The following IL17RB variants were observed in gnomAD, a reference collection of about 807,000 sequenced individuals.
IL17RB encodes the protein interleukin 17 receptor B, also known as interleukin-17 receptor B.
Under a neutral mutation model 43.9 loss-of-function variants are expected in IL17RB, and 36 were observed. The observed-to-expected ratio is 0.82, with a 90% CI of 0.63 to 1.08. The LOEUF (loss-of-function observed/expected upper bound fraction) is 1.08, where lower values mean the gene tolerates loss of function less well. Ranked by LOEUF, IL17RB falls within the 50% of genes least tolerant of loss-of-function variation. The pLI, the probability that IL17RB is intolerant of heterozygous loss-of-function variation, is 0.00. For missense variants in IL17RB, 613 were observed against 613.6 expected (o/e 1.00, Z 0.01); for synonymous variants, 225 against 225.4 (o/e 1.00, Z 0.02).
In IL17RB at chr3:53,852,430, C is replaced by T. The variant is rs28385742; in HGVS notation, c.354+304C>T. Among the ~76,000 whole-genome samples the T allele has an allele frequency of 5.2e-3, 797 of 152,182 alleles. 7 individuals carry two copies. Among genetic ancestry groups the T allele is most frequent in the African/African-American group, 0.018 (761 of 41,540 alleles). ...GATTACAGGTATGAGCCACTGTATC[C>T]GGGCATAGACACTTTTATGTATTTG... On this transcript the variant is annotated intron_variant, in intron 4 of 10. Coordinates refer to ENST00000288167, the MANE Select transcript of IL17RB (RefSeq NM_018725.4).
At chr3:53,861,857 C>T (rs1699575760) in intron 10 of IL17RB, among the ~76,000 whole-genome samples, 1 of 152,158 alleles carries the variant, frequency 6.6e-6, no homozygotes, top group Admixed American at 6.5e-5. Flanking sequence ...AAAAATGCTA[C>T]AAAGGACATT....
intron 4 of IL17RB, 64 bp from the exon 5 acceptor site, chr3:53,852,807 T>C: frequency 6.6e-7 from 1 of 1,525,178 alleles, no homozygotes; most frequent in Non-Finnish European, 9.0e-7. Context: ...GGCAACACAC[T>C]AAGGTATACT....
chr3:53,859,975 A>T, intron 9 of IL17RB, 155 bp from the exon 10 acceptor site: 1 of 559,094 alleles, frequency 1.8e-6, no homozygotes, highest in East Asian at 3.0e-5. Context: ...GCGCCACTGC[A>T]CTCCAGCCTA....
chr3:53,852,204 C>T (rs1699176412), intron 4 of IL17RB, 78 bp downstream of exon 4: 8 of 1,317,332 alleles, frequency 6.1e-6, no homozygotes, highest in South Asian at 2.5e-5. Flanking sequence ...TGCAGTGGTG[C>T]GATCATGGCT....
chr3:53,865,263 AG>A lies in IL17RB; in HGVS notation c.1466del (p.Gly489GlufsTer24). Reference sequence around the variant, plus strand: ...TCCATGTCAAGCAGCAGGTGTCAGCAGGAAAAAGATCACAAGCCTGCCACGA... The same window carrying A: ...TCCATGTCAAGCAGCAGGTGTCAGCAGAAAAAGATCACAAGCCTGCCACGA... ...LLHVKQQVSA[G>X]KRSQACHDGC... On this transcript the variant is annotated frameshift_variant, in exon 11 of 11. Transcript: ENST00000288167. LOFTEE classifies it low-confidence loss of function (END_TRUNC). 6.2e-7 allele frequency: 1 copy of A among 1,611,284 alleles called. No homozygotes were observed. Among genetic ancestry groups the A allele is most frequent in the Non-Finnish European group, 8.5e-7 (1 of 1,180,008 alleles).
In IL17RB at chr3:53,858,731, T is replaced by G. The variant is rs1388385766; in HGVS notation, c.760T>G (p.Phe254Val). 1.2e-6 allele frequency: 2 copies of G among 1,614,036 alleles called. No individual in the cohort carries two copies. The highest frequency in any genetic ancestry group is 1.7e-6 in the Non-Finnish European group (2 of 1,180,020). The part of the protein sequence containing the change: ...EGATVQLTPY[F>V]PTCGSDCIRH... Reference sequence around the variant, plus strand: ...TGTTTTTCCTCAGCTGACTCCATATTTTCCTACTTGTGGCAGCGACTGCAT... The same window carrying G: ...TGTTTTTCCTCAGCTGACTCCATATGTTCCTACTTGTGGCAGCGACTGCAT... Residue 254 changes from phenylalanine to valine, a missense_variant, in exon 9 of 11, where the codon TTT (phenylalanine) becomes GTT (valine). Transcript: ENST00000288167.
chr3:53,865,288 G>C lies in IL17RB; in HGVS notation c.1489G>C (p.Asp497His), dbSNP rs368854367. 1.2e-6 allele frequency: 2 copies of C among 1,606,152 alleles called. No homozygotes were observed. The highest frequency in any genetic ancestry group is 1.7e-5 in the Admixed American group (1 of 59,980). ...SAGKRSQACHDGCCSL is the reference protein window; with the variant it reads ...SAGKRSQACHHGCCSL ...AGGAAAAAGATCACAAGCCTGCCAC[G>C]ATGGCTGCTGCTCCTTGTAGCCCAC... is the stretch of plus-strand genomic sequence containing the variant. The change falls in exon 11 of 11, where the codon GAT becomes CAT. Residue 497 changes from aspartate (D) to histidine (H), a missense_variant. Asp to His is a moderately conservative substitution (Grantham distance 81). Transcript: ENST00000288167.
At chr3:53,850,699 G>A (rs1237542227) in intron 3 of IL17RB, among the ~76,000 whole-genome samples, 1 of 152,160 alleles carries the variant, frequency 6.6e-6, no homozygotes, top group African/African-American at 2.4e-5. Context: ...CAGCTACTTG[G>A]GAGGCTGAGG....
chr3:53,849,631 C>T, intron 2 of IL17RB, 24 bp from the exon 3 acceptor site: 1 of 1,580,698 alleles, frequency 6.3e-7, no homozygotes. Context: ...AAGACAGTGT[C>T]ATGGAAGTCT....
rs1428756625 is a variant in IL17RB at position 53,860,185 on chromosome 3, C to A, written c.903C>A (p.Ala301=). The A allele has an allele frequency of 2.1e-5, 34 of 1,613,986 alleles. No homozygotes were observed. Among genetic ancestry groups the A allele is most frequent in the Non-Finnish European group, 2.7e-5 (32 of 1,179,900 alleles). Reference sequence around the variant, plus strand: ...TCCTCCTGCTGTCTCTGCTGGTGGCCACATGGGTGCTGGTGGCAGGGATCT... The same window carrying A: ...TCCTCCTGCTGTCTCTGCTGGTGGCAACATGGGTGCTGGTGGCAGGGATCT... ...LPLLLLSLLV[A]TWVLVAGIYL... is the part of the protein sequence containing the mutation. Residue 301 remains alanine, a synonymous_variant, in exon 10 of 11, where the codon GCC becomes GCA. Coordinates refer to ENST00000288167, the MANE Select transcript of IL17RB (RefSeq NM_018725.4).
chr3:53,857,475 C>A, intron 7 of IL17RB, 141 bp from the exon 8 acceptor site: 2 of 704,694 alleles, frequency 2.8e-6, no homozygotes, highest in South Asian at 1.6e-5. Flanking sequence ...TTAGTAGAGA[C>A]GGTTTCGCCA....
At position 53,846,648 on chromosome 3, in the gene IL17RB, G is replaced by T. The variant is rs758073986; in HGVS notation, c.60G>T (p.Pro20=). 3 of 1,590,434 alleles carry T rather than the reference G, an allele frequency of 1.9e-6. 1 individual carries two copies. Among genetic ancestry groups the T allele is most frequent in the South Asian group, 1.1e-5 (1 of 88,194 alleles). ...ALCRSAVPRE[P]TVQCGSETGP... ...GCAGGAGCGCCGTACCCCGAGAGCCGGTAAGCCCCCGCCAGCACCTCTTCC... is the reference window on the plus strand; with the variant it reads ...GCAGGAGCGCCGTACCCCGAGAGCCTGTAAGCCCCCGCCAGCACCTCTTCC... The change falls in exon 1 of 11, where the codon CCG becomes CCT. Residue 20 remains proline, a splice_region_variant and synonymous_variant. Transcript: ENST00000288167.
rs999716521 is a variant in IL17RB, at chr3:53,856,962, C to T, written c.648C>T (p.Ile216=). 6.2e-7 allele frequency: 1 copy of T among 1,613,992 alleles called. No individual in the cohort carries two copies. Among genetic ancestry groups the T allele is most frequent in the African/African-American group, 1.3e-5 (1 of 74,944 alleles). Residue 216 remains isoleucine, a synonymous_variant, in exon 7 of 11, where the codon ATC becomes ATT. Transcript: ENST00000288167. ...TGGCTCTTATCCAACACAGCACTAT[C>T]ATCGGGTTTTCTCAGGTGTTTGAGG... ...RYMALIQHST[I]IGFSQVFEPH...
intron 1 of IL17RB, 69 bp from the exon 2 acceptor site, chr3:53,848,595 C>A: frequency 6.7e-7 from 1 of 1,484,964 alleles, no homozygotes; most frequent in South Asian, 1.1e-5. Flanking sequence ...GGTGTTCTGC[C>A]TAATTTGGCA....
Position 53,857,599 on chromosome 3 carries a change from ACTCT to A in IL17RB, c.673-8_673-5del, listed in dbSNP as rs760570741. The A allele has an allele frequency of 5.4e-5, 87 of 1,598,964 alleles. No homozygotes were observed. The African/African-American group carries it at 7.7e-4, about 14-fold the overall frequency. ...TGCACCTGGCACCTCATAATTCTTG[ACTCT>A]CTCTCTCTTAAGCCACACCAGAAGA... On this transcript the variant is annotated splice_polypyrimidine_tract_variant and intron_variant, in intron 7 of 10. Coordinates refer to ENST00000288167, the MANE Select transcript of IL17RB (RefSeq NM_018725.4).
In IL17RB at chr3:53,865,169, A is replaced by G; in HGVS notation, c.1370A>G (p.Tyr457Cys). ...YFREIDTKDDYNALSVCPKYH... is the reference protein window; with the variant it reads ...YFREIDTKDDCNALSVCPKYH... ...AGAGAGATTGATACAAAAGACGATT[A>G]CAATGCTCTCAGTGTCTGCCCCAAG... The change falls in exon 11 of 11, where the codon TAC becomes TGC. Residue 457 changes from tyrosine to cysteine, a missense_variant. Physicochemically the swap from Tyr to Cys is radical, Grantham distance 194. Transcript: ENST00000288167. The G allele has an allele frequency of 1.2e-6, 2 of 1,614,202 alleles. No homozygotes were observed.
At chr3:53,848,524 C>T in intron 1 of IL17RB, 140 bp from the exon 2 acceptor site, 1 of 846,722 alleles carries the variant, frequency 1.2e-6, no homozygotes, top group Non-Finnish European at 2.0e-6. Flanking sequence ...AGCTGTGAAG[C>T]AGAACCAGTT....
chr3:53,860,142 C>T lies in IL17RB; in HGVS notation c.860C>T (p.Pro287Leu), dbSNP rs750088430. The T allele has an allele frequency of 6.2e-6, 10 of 1,613,526 alleles. No individual in the cohort carries two copies. Among genetic ancestry groups the T allele is most frequent in the South Asian group, 2.2e-5 (2 of 91,048 alleles). The change falls in exon 10 of 11, where the codon CCG becomes CTG. Residue 287 changes from proline (P) to leucine (L), a missense_variant. Transcript: ENST00000288167. ...TTGTTTTTTCCAGACAAAAGCAAGC[C>T]GGGAGGCTGGCTGCCTCTCCTCCTG... ...PFPLDNNKSK[P>L]GGWLPLLLLS...
chr3:53,856,799 G>A, intron 6 of IL17RB, 45 bp from the exon 7 acceptor site: 1 of 1,609,058 alleles, frequency 6.2e-7, no homozygotes, highest in Non-Finnish European at 8.5e-7. Context: ...TTAAATGAGG[G>A]AAGAGTTAGC....
Sources: allele counts gnomAD v4.1 joint callset (sites outside exome capture counted in the v4.1 genomes callset), GRCh38; gene constraint gnomAD v4.1.1; transcripts MANE v1.5; gene names NCBI Gene and HGNC (gene_info 2026-07-23, HGNC 2026-07-21).